SOX13: variants seen among roughly 807,000 people sequenced by gnomAD.
SOX13 encodes transcription factor SOX-13.
In SOX13, 28 loss-of-function variants were observed where a neutral mutation model predicts 71.8. The observed-to-expected ratio is 0.39, with a 90% CI of 0.29 to 0.53. SOX13 has a LOEUF of 0.53. Among genes scored for constraint, SOX13 ranks in the 20% least tolerant of loss-of-function variants. The pLI is 0.70. For missense variants in SOX13, 627 were observed against 810.3 expected (o/e 0.77, Z 2.75); for synonymous variants, 309 against 317.8 (o/e 0.97, Z 0.29).
rs1428621478 is a variant in SOX13, at chr1:204,127,604, T to TA, written c.*1471dup. The TA allele has an allele frequency of 6.5e-6, 1 of 152,686 alleles. No individual in the cohort carries two copies. The highest frequency in any genetic ancestry group is 1.9e-4 in the East Asian group (1 of 5,202). 9.5% of individuals were successfully genotyped at this position (152,686 alleles called of 1,614,324 possible). On this transcript the variant is annotated 3_prime_UTR_variant, in exon 14 of 14. Coordinates refer to ENST00000367204, the MANE Select transcript of SOX13 (RefSeq NM_005686.3). ...CTTCTCTCCAGGCTGTTTCTTTTTTTATGACTGTAAACATAGATAGTGCTT... is the reference window on the plus strand; with the variant it reads ...CTTCTCTCCAGGCTGTTTCTTTTTTTAATGACTGTAAACATAGATAGTGCTT...
At position 204,081,097 on chromosome 1, in the gene SOX13, G is replaced by A. The variant is rs765693520; in HGVS notation, c.-2+7386G>A. Among the ~76,000 whole-genome samples the A allele has an allele frequency of 4.9e-4, 74 of 152,048 alleles. No homozygotes were observed. The highest frequency in any genetic ancestry group is 9.0e-4 in the Non-Finnish European group (61 of 67,990). On this transcript the variant is annotated intron_variant, in intron 1 of 13. Transcript: ENST00000367204. The surrounding 1 kb of genome is among the most constrained non-coding windows in gnomAD (Gnocchi z 4.3). ...TGGCTAATTTTTTGTATTTTTAGTA[G>A]AGACGGGATTTCTCCATGTTGGTTA...
chr1:204,114,464 C>G, intron 3 of SOX13, 32 bp downstream of exon 3: 1 of 1,604,022 alleles, frequency 6.2e-7, no homozygotes, highest in East Asian at 2.2e-5. Flanking sequence ...GAAGCAGAGG[C>G]CTGAGGCAGG....
Position 204,123,967 on chromosome 1 carries a change from C to T in SOX13, c.1375+163C>T, listed in dbSNP as rs1179975527. Among the ~76,000 whole-genome samples the T allele has an allele frequency of 6.6e-6, 1 of 152,142 alleles. No homozygotes were observed. Among genetic ancestry groups the T allele is most frequent in the Non-Finnish European group, 1.5e-5 (1 of 68,032 alleles). On this transcript the variant is annotated intron_variant, in intron 12 of 13. Transcript: ENST00000367204. This position sits in a 1 kb window ranked among gnomAD's most constrained non-coding sequence, Gnocchi z 5.0. ...CTGGGGATGTGAGGGCAGCTGGGTC[C>T]TGGGGTCTTATATCACTGAAGTGTT...
Position 204,126,500 on chromosome 1 carries a change from G to C in SOX13, c.*366G>C, listed in dbSNP as rs1656925711. The C allele has an allele frequency of 3.7e-6, 1 of 268,998 alleles. No homozygotes were observed. The highest frequency in any genetic ancestry group is 7.2e-6 in the Non-Finnish European group (1 of 139,278). 16.7% of individuals were successfully genotyped at this position (268,998 alleles called of 1,614,324 possible). On this transcript the variant is annotated 3_prime_UTR_variant, in exon 14 of 14. Transcript: ENST00000367204. Reference sequence around the variant, plus strand: ...GGTCACATGCTTTGTTTCCATTCTTGTCCTGGCTGGACCAGCCACTGTGGG... The same window carrying C: ...GGTCACATGCTTTGTTTCCATTCTTCTCCTGGCTGGACCAGCCACTGTGGG...
chr1:204,117,677 T>C lies in SOX13; in HGVS notation c.745T>C (p.Leu249=). ...LPVTPDSQLA[L]PIQPIPCKPV... is the part of the protein sequence containing the mutation. ...TGTCACCCCTGACTCCCAGCTGGCC[T>C]TACCCATTCAGCCCATTCCCTGCAA... The change falls in exon 7 of 14, where the codon TTA becomes CTA. Residue 249 remains leucine, a synonymous_variant. Transcript: ENST00000367204. 6.2e-7 allele frequency: 1 copy of C among 1,613,468 alleles called. No individual in the cohort carries two copies. Among genetic ancestry groups the C allele is most frequent in the Non-Finnish European group, 8.5e-7 (1 of 1,179,618 alleles).
intron 1 of SOX13, among the ~76,000 whole-genome samples, chr1:204,082,510 C>G (rs1235630996): frequency 1.3e-5 from 2 of 152,300 alleles, no homozygotes; most frequent in East Asian, 1.9e-4. Flanking sequence ...GCTATCACCC[C>G]CTTCCCTCCT....
chr1:204,095,522 C>G (rs535140283), intron 1 of SOX13, among the ~76,000 whole-genome samples: 52 of 152,266 alleles, frequency 3.4e-4, no homozygotes, highest in Middle Eastern at 6.8e-3. Context: ...GGCAGCCGCT[C>G]TCCAGCCCTG....
chr1:204,095,462 A>G (rs996596001), intron 1 of SOX13, among the ~76,000 whole-genome samples: 4 of 152,058 alleles, frequency 2.6e-5, no homozygotes, highest in African/African-American at 9.7e-5. Context: ...GCTTCTAGAC[A>G]CTTCAATTAG....
chr1:204,101,326 G>C (rs1024365204), intron 1 of SOX13, among the ~76,000 whole-genome samples: 4 of 152,112 alleles, frequency 2.6e-5, no homozygotes, highest in African/African-American at 9.7e-5. Flanking sequence ...GGAGTGGGCT[G>C]TGGGCTCACA....
In SOX13 at chr1:204,123,014, G is replaced by A; in HGVS notation, c.1134+51G>A. On this transcript the variant is annotated intron_variant, in intron 10 of 13. Transcript: ENST00000367204. This position sits in a 1 kb window ranked among gnomAD's most constrained non-coding sequence, Gnocchi z 5.0. ...TAGGGGCAGCAACAGATGGTGGCCA[G>A]GAGTGGAAGACACAGTCTGAGGCCA... is the stretch of plus-strand genomic sequence containing the variant. 1 of 1,503,724 alleles carries A rather than the reference G, an allele frequency of 6.7e-7. No individual in the cohort carries two copies. Among genetic ancestry groups the A allele is most frequent in the Non-Finnish European group, 9.2e-7 (1 of 1,085,686 alleles). The allele number at this position is 1,503,724 out of a possible 1,614,324, so 93.1% of individuals were successfully genotyped here.
intron 1 of SOX13, among the ~76,000 whole-genome samples, chr1:204,075,125 G>A (rs1023368900): frequency 6.6e-6 from 1 of 152,218 alleles, no homozygotes; most frequent in African/African-American, 2.4e-5. Context: ...CGGTTTCAAA[G>A]ATGGGTGCAT....
At position 204,124,808 on chromosome 1, in the gene SOX13, G is replaced by T. The variant is rs974990064; in HGVS notation, c.1543G>T (p.Ala515Ser). The change falls in exon 13 of 14, where the codon GCC becomes TCC. Residue 515 changes from alanine (A) to serine (S), a missense_variant. Around this residue, in one of 3 missense-constraint regions of SOX13, gnomAD observed 148 missense variants for 192.7 expected, o/e 0.77. Coordinates refer to ENST00000367204, the MANE Select transcript of SOX13 (RefSeq NM_005686.3). Reference sequence around the variant, plus strand: ...GCGGCTGCGCGTGGGAGAGTACAAGGCCCTGATGAGGACCCGGCGTCAGGA... The same window carrying T: ...GCGGCTGCGCGTGGGAGAGTACAAGTCCCTGATGAGGACCCGGCGTCAGGA... ...GKRLRVGEYK[A>S]LMRTRRQDAR... 1 of 1,591,220 alleles carries T rather than the reference G, an allele frequency of 6.3e-7. No individual in the cohort carries two copies. The highest frequency in any genetic ancestry group is 8.6e-7 in the Non-Finnish European group (1 of 1,169,550).
chr1:204,122,693 G>A, intron 9 of SOX13, 161 bp from the exon 10 acceptor site: 1 of 616,904 alleles, frequency 1.6e-6, no homozygotes. Context: ...TATCCCTGAG[G>A]ACATGCAATG....
intron 1 of SOX13, among the ~76,000 whole-genome samples, chr1:204,101,201 C>A (rs945050965): frequency 6.6e-6 from 1 of 152,144 alleles, no homozygotes; most frequent in Non-Finnish European, 1.5e-5. Flanking sequence ...CCATCTGGAT[C>A]GTGGACCCAT....
chr1:204,091,064 C>T (rs1656131819), intron 1 of SOX13, among the ~76,000 whole-genome samples: 1 of 152,194 alleles, frequency 6.6e-6, no homozygotes, highest in South Asian at 2.1e-4. Flanking sequence ...TTCATTCAGG[C>T]TGAAGCTGCT....
At chr1:204,100,078 T>C (rs142731372) in intron 1 of SOX13, among the ~76,000 whole-genome samples, 155 of 152,318 alleles carry the variant, frequency 1.0e-3, no homozygotes, top group African/African-American at 3.5e-3. Flanking sequence ...GTTGAGAGGC[T>C]GTAGTGAGCT....
chr1:204,117,101 C>T, intron 5 of SOX13, 21 bp from the exon 6 acceptor site: 1 of 1,613,370 alleles, frequency 6.2e-7, no homozygotes, highest in Non-Finnish European at 8.5e-7. Context: ...ACCCCCTCTG[C>T]CTACTCTTTC....
intron 1 of SOX13, among the ~76,000 whole-genome samples, chr1:204,108,964 C>A (rs961554666): frequency 6.6e-6 from 1 of 152,236 alleles, no homozygotes; most frequent in Non-Finnish European, 1.5e-5. Context: ...TTGCTGCCTT[C>A]GGCTTCAGGA....
intron 1 of SOX13, among the ~76,000 whole-genome samples, chr1:204,079,495 G>A (rs1455037568): frequency 2.0e-5 from 3 of 150,840 alleles, no homozygotes; most frequent in Non-Finnish European, 3.0e-5. Context: ...ACAGGCATGC[G>A]CCACCACGCC....
Sources: gnomAD v4.1 joint callset for allele counts (sites outside exome capture counted in the v4.1 genomes callset) on GRCh38, gnomAD v4.1.1 for gene constraint, gnomAD v4.1.1 regional missense constraint, Gnocchi (gnomAD v3.1) non-coding constraint, MANE v1.5 for transcripts, NCBI Gene and HGNC (gene_info 2026-07-23, HGNC 2026-07-21) for gene names.